Variants in SNX7 observed in about 807,000 individuals in gnomAD.
SNX7 encodes sorting nexin-7.
In SNX7, 35 loss-of-function variants were observed where a neutral mutation model predicts 48.4. The ratio of observed to expected loss-of-function variants is 0.72; its 90% CI spans 0.55 to 0.96. The LOEUF (loss-of-function observed/expected upper bound fraction) is 0.96, where lower values mean the gene tolerates loss of function less well. Ranked by LOEUF, SNX7 falls within the 40% of genes least tolerant of loss-of-function variation. SNX7 has a pLI of 0.00. For synonymous variants in SNX7, 190 were observed against 190.2 expected, an observed-to-expected ratio of 1.00 and a Z score of 0.01; for missense variants, 553 against 548.9, an observed-to-expected ratio of 1.01 and a Z score of -0.07.
chr1:98,714,403 C>T (rs1190560336), intron 7 of SNX7, among the ~76,000 whole-genome samples: 1 of 111,408 alleles, frequency 9.0e-6, no homozygotes, highest in Admixed American at 8.5e-5. Flanking sequence ...TTCTTGGCTC[C>T]TTAAGAAGAC....
At position 98,662,097 on chromosome 1, in the gene SNX7, G is replaced by A. The variant is rs552638063; in HGVS notation, c.180+186G>A. 14 of 507,128 alleles carry A rather than the reference G, an allele frequency of 2.8e-5. 1 individual carries two copies. The highest frequency in any genetic ancestry group is 4.3e-5 in the Non-Finnish European group (14 of 328,298). The allele number at this position is 507,128 out of a possible 1,614,324, so 31.4% of individuals were successfully genotyped here. On this transcript the variant is annotated intron_variant, in intron 1 of 8. Coordinates refer to ENST00000306121, the MANE Select transcript of SNX7 (RefSeq NM_015976.5). ...CTCTGGCCGCACCCGGGGCCGCGTC[G>A]CCTCGGGGCCTCAAACCGCAGCCGC...
intron 1 of SNX7, among the ~76,000 whole-genome samples, chr1:98,672,548 T>C (rs1354961078): frequency 6.6e-6 from 1 of 151,400 alleles, no homozygotes; most frequent in Non-Finnish European, 1.5e-5. Context: ...GCAAATGGCA[T>C]CTTGGACCTT....
chr1:98,756,114 AT>A (rs148030393), intron 8 of SNX7, among the ~76,000 whole-genome samples: 248 of 151,938 alleles, frequency 1.6e-3, no homozygotes, highest in Non-Finnish European at 2.9e-3. Context: ...TTTAGTGGTT[AT>A]TTTTAGGTTA....
intron 8 of SNX7, among the ~76,000 whole-genome samples, chr1:98,749,937 C>T (rs1654501379): frequency 6.6e-6 from 1 of 151,988 alleles, no homozygotes. Context: ...GAAACTCAGT[C>T]ATATTTCCAA....
chr1:98,736,674 T>C (rs1478954468), intron 7 of SNX7, among the ~76,000 whole-genome samples: 1 of 152,132 alleles, frequency 6.6e-6, no homozygotes, highest in African/African-American at 2.4e-5. Context: ...ACATCTTACA[T>C]TGGTCATGAG....
intron 4 of SNX7, among the ~76,000 whole-genome samples, chr1:98,695,007 A>T (rs368396406): frequency 7.2e-5 from 11 of 152,118 alleles, no homozygotes; most frequent in East Asian, 5.8e-4. Context: ...TTTATGGTGA[A>T]TTACGTGTAT....
chr1:98,673,993 T>C (rs1425026816), intron 1 of SNX7, among the ~76,000 whole-genome samples: 1 of 152,210 alleles, frequency 6.6e-6, no homozygotes, highest in Non-Finnish European at 1.5e-5. Flanking sequence ...CACAGAAATA[T>C]ACTGGTTTCT....
intron 1 of SNX7, chr1:98,662,223 A>G (rs1410795592): frequency 4.5e-6 from 1 of 223,790 alleles, no homozygotes; most frequent in Non-Finnish European, 8.7e-6. Context: ...TGACACAGAC[A>G]TCTTCCTCGC....
rs567757695 is a variant in SNX7, at chr1:98,696,768, A to G, written c.838+1052A>G. On this transcript the variant is annotated intron_variant, in intron 5 of 8. Transcript: ENST00000306121. ...CCTGAATAAGTGAATTATTTTAACTAGGTTCTGTGATTCCAGTTCTATTAA... is the reference window on the plus strand; with the variant it reads ...CCTGAATAAGTGAATTATTTTAACTGGGTTCTGTGATTCCAGTTCTATTAA... Among the ~76,000 whole-genome samples the G allele has an allele frequency of 2.6e-5, 4 of 151,910 alleles. No homozygotes were observed. In the South Asian group the frequency reaches 8.3e-4, roughly 32 times the overall value.
At chr1:98,698,406 T>C (rs530634382) in intron 5 of SNX7, among the ~76,000 whole-genome samples, 5 of 152,280 alleles carry the variant, frequency 3.3e-5, no homozygotes, top group Non-Finnish European at 1.5e-5. Context: ...AGTTGTGTGG[T>C]AGGCAGAAGC....
At chr1:98,738,456 A>G (rs1053546635) in intron 8 of SNX7, 67 bp downstream of exon 8, 46 of 1,472,118 alleles carry the variant, frequency 3.1e-5, no homozygotes, top group South Asian at 1.2e-4. Context: ...GGTCCGTCCA[A>G]TGTTGAAAGA....
intron 8 of SNX7, among the ~76,000 whole-genome samples, chr1:98,758,178 A>G (rs959534726): frequency 1.3e-5 from 2 of 152,022 alleles, no homozygotes; most frequent in African/African-American, 4.8e-5. Flanking sequence ...TGCCCCCCAA[A>G]TCATGCATAG....
chr1:98,721,690 T>C lies in SNX7; in HGVS notation c.1126-16547T>C, dbSNP rs190117415. Among the ~76,000 whole-genome samples the C allele has an allele frequency of 1.6e-3, 240 of 152,114 alleles. 3 individuals are homozygous for C. Among genetic ancestry groups the C allele is most frequent in the African/African-American group, 5.5e-3 (228 of 41,530 alleles). On this transcript the variant is annotated intron_variant, in intron 7 of 8. Coordinates refer to ENST00000306121, the MANE Select transcript of SNX7 (RefSeq NM_015976.5). ...AATAAAAATATTTAATAACAGAAAA[T>C]TGGCCTGTGAAGTTCTGTGAAATAA...
At chr1:98,671,580 GTGAA>G (rs1475509768) in intron 1 of SNX7, among the ~76,000 whole-genome samples, 1 of 151,790 alleles carries the variant, frequency 6.6e-6, no homozygotes, top group Non-Finnish European at 1.5e-5. Flanking sequence ...CCCATTTTGG[GTGAA>G]TGATTTTTTT....
intron 7 of SNX7, among the ~76,000 whole-genome samples, chr1:98,723,606 C>G (rs1046306741): frequency 2.0e-5 from 3 of 151,944 alleles, no homozygotes; most frequent in Non-Finnish European, 4.4e-5. Flanking sequence ...GGCTCACACC[C>G]GTTTTGGGAG....
In SNX7 at chr1:98,673,349, T is replaced by C. The variant is rs189923713; in HGVS notation, c.180+11438T>C. Among the ~76,000 whole-genome samples, 96 of 152,322 alleles carry C rather than the reference T, an allele frequency of 6.3e-4. No homozygotes were observed. In the East Asian group the frequency reaches 0.016, roughly 25 times the overall value. ...CCAAGTGTTTTGTATAGCTGACTCC[T>C]TCTCACGTTACCTCCTCAAAGAAGC... On this transcript the variant is annotated intron_variant, in intron 1 of 8. Coordinates refer to ENST00000306121, the MANE Select transcript of SNX7 (RefSeq NM_015976.5).
In SNX7 at chr1:98,701,887, A is replaced by C; in HGVS notation, c.1109A>C (p.Lys370Thr). 6.2e-7 allele frequency: 1 copy of C among 1,609,898 alleles called. No homozygotes were observed. The highest frequency in any genetic ancestry group is 1.1e-5 in the South Asian group (1 of 90,354). Residue 370 changes from lysine (K) to threonine (T), a missense_variant, in exon 7 of 9, where the codon AAG (lysine) becomes ACG (threonine). Transcript: ENST00000306121. Reference sequence around the variant, plus strand: ...AAAGTTGAAGTTTTGACCTATAAAAAGGCAGATACTGATCTGGTAAGTTTT... The same window carrying C: ...AAAGTTGAAGTTTTGACCTATAAAACGGCAGATACTGATCTGGTAAGTTTT... ...DSKVEVLTYK[K>T]ADTDLLPEEI...
At chr1:98,733,634 C>A (rs935719126) in intron 7 of SNX7, among the ~76,000 whole-genome samples, 3 of 152,118 alleles carry the variant, frequency 2.0e-5, no homozygotes, top group African/African-American at 7.2e-5. Context: ...GAATGCCTTT[C>A]AAGTTTCCTT....
intron 4 of SNX7, among the ~76,000 whole-genome samples, chr1:98,691,937 A>ACTCTCT (rs59743636): frequency 0.014 from 1,886 of 131,130 alleles, 23 homozygotes; most frequent in Non-Finnish European, 0.021. Flanking sequence ...ACACACACAC[A>ACTCTCT]CTCTCTCTCT....
Sources: gnomAD v4.1 joint callset for allele counts (sites outside exome capture counted in the v4.1 genomes callset) on GRCh38, gnomAD v4.1.1 for gene constraint, MANE v1.5 for transcripts, NCBI Gene and HGNC (gene_info 2026-07-23, HGNC 2026-07-21) for gene names.